PTPRO: variants seen among roughly 807,000 people sequenced by gnomAD.
PTPRO encodes the protein protein tyrosine phosphatase receptor type O.
PTPRO carries 62 observed loss-of-function variants against 145.2 expected under a neutral mutation model. The ratio of observed to expected loss-of-function variants is 0.43; its 90% CI spans 0.35 to 0.53. PTPRO has a LOEUF of 0.53. Ranked by LOEUF, PTPRO falls within the 20% of genes least tolerant of loss-of-function variation. The probability of loss-of-function intolerance (pLI) is 0.01; values close to 1 mark genes in which losing one functional copy is unlikely to be tolerated. For missense variants in PTPRO, 1,345 were observed against 1,482.7 expected (o/e 0.91, Z 1.53); for synonymous variants, 565 against 514.7 (o/e 1.10, Z -1.32).
intron 2 of PTPRO, among the ~76,000 whole-genome samples, chr12:15,492,288 AAAC>A (rs1254717273): frequency 1.3e-5 from 2 of 152,248 alleles, no homozygotes; most frequent in Admixed American, 1.3e-4. Flanking sequence ...ATAGATATCA[AAAC>A]AACGATAACA....
At chr12:15,335,448 G>T (rs1866732196) in intron 1 of PTPRO, among the ~76,000 whole-genome samples, 1 of 152,058 alleles carries the variant, frequency 6.6e-6, no homozygotes, top group South Asian at 2.1e-4. Flanking sequence ...ATAGTGAGGA[G>T]ATGTGCCCAA....
intron 1 of PTPRO, among the ~76,000 whole-genome samples, chr12:15,462,050 C>T (rs1463592173): frequency 2.6e-5 from 4 of 152,126 alleles, no homozygotes; most frequent in Admixed American, 2.0e-4. Context: ...CTGTCCCTAA[C>T]CACACTGCTA....
intron 1 of PTPRO, among the ~76,000 whole-genome samples, chr12:15,416,897 A>C (rs1316655363): frequency 2.0e-5 from 3 of 151,578 alleles, no homozygotes; most frequent in Admixed American, 2.0e-4. Context: ...AATAATAGAA[A>C]ATCAATATAC....
At chr12:15,471,134 A>G (rs1013010883) in intron 1 of PTPRO, among the ~76,000 whole-genome samples, 1 of 152,140 alleles carries the variant, frequency 6.6e-6, no homozygotes, top group East Asian at 1.9e-4. Context: ...GAATGTATCT[A>G]TTGGGAAGCT....
intron 1 of PTPRO, among the ~76,000 whole-genome samples, chr12:15,384,465 TA>T (rs1203053453): frequency 6.6e-6 from 1 of 152,204 alleles, no homozygotes; most frequent in African/African-American, 2.4e-5. Flanking sequence ...ATTTGATTGC[TA>T]GCCAGAGCTC....
At chr12:15,505,570 G>C (rs1281089610) in intron 6 of PTPRO, among the ~76,000 whole-genome samples, 2 of 152,048 alleles carry the variant, frequency 1.3e-5, no homozygotes, top group Non-Finnish European at 2.9e-5. Context: ...TTTTTTCTCT[G>C]TTGCTAAAAG....
chr12:15,404,521 T>C (rs567674240), intron 1 of PTPRO, among the ~76,000 whole-genome samples: 3 of 152,344 alleles, frequency 2.0e-5, no homozygotes, highest in South Asian at 4.1e-4. Flanking sequence ...TCAACTTGTG[T>C]ATTAAAAATG....
At chr12:15,595,258 G>C (rs1416216119) in intron 26 of PTPRO, 9 of 547,072 alleles carry the variant, frequency 1.6e-5, no homozygotes, top group Non-Finnish European at 2.7e-5. Context: ...AATGCACCTT[G>C]GTTGGTGTTG....
chr12:15,517,594 C>T (rs1321057737), intron 9 of PTPRO, among the ~76,000 whole-genome samples: 1 of 152,144 alleles, frequency 6.6e-6, no homozygotes, highest in African/African-American at 2.4e-5. Flanking sequence ...AAATCAAAAG[C>T]AAGTTAGTTA....
chr12:15,581,499 G>A (rs775306242), intron 22 of PTPRO, among the ~76,000 whole-genome samples, 180 bp from the exon 23 acceptor site: 1 of 151,776 alleles, frequency 6.6e-6, no homozygotes, highest in Non-Finnish European at 1.5e-5. Context: ...TGATAAGAAT[G>A]ACCCAAGTCA....
At chr12:15,521,108 G>A (rs1942710368) in intron 10 of PTPRO, among the ~76,000 whole-genome samples, 1 of 152,018 alleles carries the variant, frequency 6.6e-6, no homozygotes, top group African/African-American at 2.4e-5. Context: ...TTTATCGAAC[G>A]ACAAGGTTGT....
intron 18 of PTPRO, 135 bp from the exon 19 acceptor site, chr12:15,569,282 A>C: frequency 1.3e-6 from 1 of 763,626 alleles, no homozygotes; most frequent in Non-Finnish European, 2.1e-6. Flanking sequence ...CCAAAAAAAA[A>C]AGGTGAGTGC....
chr12:15,549,287 A>G (rs1304644833), intron 14 of PTPRO, 61 bp downstream of exon 14: 15 of 1,208,196 alleles, frequency 1.2e-5, no homozygotes, highest in Middle Eastern at 2.6e-4. Context: ...ATATATATGT[A>G]TTTGTATCAA....
intron 12 of PTPRO, among the ~76,000 whole-genome samples, chr12:15,544,885 A>G (rs1943250767): frequency 6.6e-6 from 1 of 152,208 alleles, no homozygotes; most frequent in Non-Finnish European, 1.5e-5. Context: ...TTGCAAGTGA[A>G]AAAGGGCTCC....
At chr12:15,332,644 A>G (rs2136202353) in intron 1 of PTPRO, among the ~76,000 whole-genome samples, 1 of 152,334 alleles carries the variant, frequency 6.6e-6, no homozygotes, top group South Asian at 2.1e-4. Context: ...TTCAAAGACC[A>G]TCTAGTTCAA....
intron 1 of PTPRO, among the ~76,000 whole-genome samples, chr12:15,431,482 C>T (rs1343205173): frequency 4.6e-5 from 7 of 152,182 alleles, no homozygotes; most frequent in African/African-American, 1.4e-4. Flanking sequence ...ATTCAATTAT[C>T]TCCTTCTGTA....
chr12:15,369,745 A>G (rs971974842), intron 1 of PTPRO, among the ~76,000 whole-genome samples: 2 of 152,156 alleles, frequency 1.3e-5, no homozygotes, highest in Non-Finnish European at 2.9e-5. Flanking sequence ...GAGGCATATC[A>G]ATCAACAACA....
chr12:15,356,398 C>T (rs1350064159), intron 1 of PTPRO, among the ~76,000 whole-genome samples: 1 of 152,030 alleles, frequency 6.6e-6, no homozygotes, highest in Non-Finnish European at 1.5e-5. Flanking sequence ...TCCCTAGATG[C>T]TCTAATAATA....
intron 16 of PTPRO, among the ~76,000 whole-genome samples, chr12:15,558,968 G>A (rs944202881): frequency 5.9e-5 from 9 of 152,148 alleles, no homozygotes; most frequent in Admixed American, 2.0e-4. Context: ...GTTAGGAAAC[G>A]TTACTAGGTT....
Sources: gnomAD v4.1 joint callset for allele counts (sites outside exome capture counted in the v4.1 genomes callset) on GRCh38, gnomAD v4.1.1 for gene constraint, MANE v1.5 for transcripts, NCBI Gene and HGNC (gene_info 2026-07-23, HGNC 2026-07-21) for gene names.